The following KHDRBS2 variants were observed in gnomAD, a reference collection of about 807,000 sequenced individuals.
KHDRBS2 encodes the protein KH domain-containing, RNA-binding, signal transduction-associated protein 2.
Under a neutral mutation model 44.3 loss-of-function variants are expected in KHDRBS2, and 26 were observed. That is an observed-to-expected ratio of 0.59 (90% CI 0.43 to 0.81). KHDRBS2 has a LOEUF of 0.81. Among genes scored for constraint, KHDRBS2 ranks in the 40% least tolerant of loss-of-function variants. The pLI is 0.00. For missense variants in KHDRBS2, 476 were observed against 433.1 expected (o/e 1.10, Z -0.88); for synonymous variants, 194 against 151.1 (o/e 1.28, Z -2.08).
chr6:61,848,552 CATATATAT>C (rs1223042685), intron 6 of KHDRBS2, among the ~76,000 whole-genome samples: 532 of 37,212 alleles, frequency 0.014, 35 homozygotes, highest in African/African-American at 0.057. Flanking sequence ...TATATATATA[CATATATAT>C]ATGTATATAT....
In KHDRBS2 at chr6:61,926,132, AG is replaced by A. The variant is rs1274044758; in HGVS notation, c.484-24762del. ...TATAGAAGAAAGTCTGAGGGCATGGAGGAGCCATAGTAGAGAAAACGTAGGT... is the reference window on the plus strand; with the variant it reads ...TATAGAAGAAAGTCTGAGGGCATGGAGAGCCATAGTAGAGAAAACGTAGGT... On this transcript the variant is annotated intron_variant, in intron 4 of 8. Transcript: ENST00000281156. Among the ~76,000 whole-genome samples, 31 of 152,352 alleles carry A rather than the reference AG, an allele frequency of 2.0e-4. No homozygotes were observed. The Middle Eastern group carries it at 0.01, about 50-fold the overall frequency.
chr6:61,885,188 A>G (rs1473703067), intron 6 of KHDRBS2, among the ~76,000 whole-genome samples: 1 of 152,104 alleles, frequency 6.6e-6, no homozygotes, highest in East Asian at 1.9e-4. Flanking sequence ...TGATTTTGAT[A>G]ATATTTTCTA....
intron 8 of KHDRBS2, among the ~76,000 whole-genome samples, chr6:61,694,131 A>G (rs565776185): frequency 6.6e-6 from 1 of 152,256 alleles, no homozygotes; most frequent in African/African-American, 2.4e-5. Context: ...TTTTGCAAGT[A>G]AAAGTTTGAT....
intron 2 of KHDRBS2, among the ~76,000 whole-genome samples, chr6:62,077,297 A>C (rs1349373259): frequency 6.6e-6 from 1 of 151,998 alleles, no homozygotes; most frequent in Non-Finnish European, 1.5e-5. Context: ...GACCTACCAG[A>C]AGCAATTATG....
chr6:62,163,260 C>T (rs1818013430), intron 2 of KHDRBS2, among the ~76,000 whole-genome samples: 1 of 151,902 alleles, frequency 6.6e-6, no homozygotes, highest in Non-Finnish European at 1.5e-5. Context: ...ACTTTAATTC[C>T]CGTGATTTCT....
In KHDRBS2 at chr6:62,080,577, A is replaced by G. The variant is rs558981461; in HGVS notation, c.220-32583T>C. Among the ~76,000 whole-genome samples, 10 of 152,216 alleles carry G rather than the reference A, an allele frequency of 6.6e-5. No homozygotes were observed. The East Asian group carries it at 1.9e-3, about 29-fold the overall frequency. On this transcript the variant is annotated intron_variant, in intron 2 of 8. Transcript: ENST00000281156. ...GTGATAAAATCTGAGCAGTGATGTG[A>G]ATGTGGTTATATTTTGTGGCAACAT...
chr6:62,249,595 T>C (rs1471721642), intron 1 of KHDRBS2, among the ~76,000 whole-genome samples: 2 of 151,992 alleles, frequency 1.3e-5, no homozygotes, highest in Non-Finnish European at 2.9e-5. Context: ...TTAGGAAATA[T>C]ATAAAATACA....
the KHDRBS2 span, among the ~76,000 whole-genome samples, chr6:61,635,924 G>A: frequency 9.0e-4 from 137 of 152,030 alleles, no homozygotes; most frequent in African/African-American, 3.0e-3. Flanking sequence ...TCCCAAACAG[G>A]TCTAGCATCA....
chr6:61,912,391 A>G (rs1477739559), intron 4 of KHDRBS2, among the ~76,000 whole-genome samples: 1 of 152,158 alleles, frequency 6.6e-6, no homozygotes. Context: ...TTCTGCCTCA[A>G]TAGGAAACAT....
chr6:62,285,901 G>A lies in KHDRBS2; in HGVS notation c.48C>T (p.Ser16=), dbSNP rs369920574. The A allele has an allele frequency of 1.2e-6, 2 of 1,613,242 alleles. No homozygotes were observed. The highest frequency in any genetic ancestry group is 1.7e-6 in the Non-Finnish European group (2 of 1,179,666). ...ACGCATGCACAAAAGATGGATCCAG[G>A]CTATCTTTCTCTGCCATCAGCTCAG... The part of the protein sequence containing the change: ...YLPELMAEKD[S]LDPSFVHASR... Residue 16 remains serine, a synonymous_variant, in exon 1 of 9, where the codon AGC becomes AGT. Transcript: ENST00000281156.
chr6:62,117,343 C>G (rs1207866846), intron 2 of KHDRBS2, among the ~76,000 whole-genome samples: 1 of 152,078 alleles, frequency 6.6e-6, no homozygotes, highest in Non-Finnish European at 1.5e-5. Flanking sequence ...TTGCATTTCC[C>G]TTATGATTAA....
intron 2 of KHDRBS2, among the ~76,000 whole-genome samples, chr6:62,139,813 G>C (rs1812392448): frequency 6.6e-6 from 1 of 152,038 alleles, no homozygotes; most frequent in African/African-American, 2.4e-5. Flanking sequence ...TCACGTAAGG[G>C]CTGCTTTAGT....
intron 2 of KHDRBS2, among the ~76,000 whole-genome samples, chr6:62,175,077 C>A (rs1366305570): frequency 1.3e-5 from 2 of 151,450 alleles, no homozygotes; most frequent in Non-Finnish European, 3.0e-5. Context: ...TATAATAAGA[C>A]ATAGTTTGTT....
intron 4 of KHDRBS2, among the ~76,000 whole-genome samples, chr6:61,907,397 C>G (rs555500594): frequency 4.6e-5 from 7 of 152,168 alleles, no homozygotes; most frequent in Non-Finnish European, 8.8e-5. Flanking sequence ...TGTGCAGAAG[C>G]CTTTTAGCTT....
At chr6:62,034,693 G>GAA (rs1171214560) in intron 3 of KHDRBS2, among the ~76,000 whole-genome samples, 9,928 of 60,712 alleles carry the variant, frequency 0.16, 796 homozygotes, top group Non-Finnish European at 0.22. Context: ...ATTCTGAACA[G>GAA]AAAAAAAAAA....
chr6:61,719,982 T>C (rs1014607599), intron 7 of KHDRBS2, among the ~76,000 whole-genome samples: 1 of 151,974 alleles, frequency 6.6e-6, no homozygotes, highest in Non-Finnish European at 1.5e-5. Flanking sequence ...CCTGTGTCCA[T>C]GTGTTCTCAT....
At chr6:61,696,306 A>G (rs575325409) in intron 8 of KHDRBS2, among the ~76,000 whole-genome samples, 7 of 150,594 alleles carry the variant, frequency 4.6e-5, no homozygotes, top group Non-Finnish European at 1.0e-4. Flanking sequence ...GCCAGGCTGG[A>G]GTGCGGTGGC....
chr6:62,064,727 G>A (rs1227227407), intron 2 of KHDRBS2, among the ~76,000 whole-genome samples: 24 of 151,900 alleles, frequency 1.6e-4, no homozygotes, highest in East Asian at 7.8e-4. Context: ...ATGGGCAAGG[G>A]CTTCATGTCT....
chr6:62,192,471 G>A (rs1156828751), intron 1 of KHDRBS2, among the ~76,000 whole-genome samples: 1 of 152,050 alleles, frequency 6.6e-6, no homozygotes. Context: ...CTACTGTGAT[G>A]ATTATATAAA....
Sources: gnomAD v4.1 joint callset for allele counts (sites outside exome capture counted in the v4.1 genomes callset) on GRCh38, gnomAD v4.1.1 for gene constraint, MANE v1.5 for transcripts, NCBI Gene and HGNC (gene_info 2026-07-23, HGNC 2026-07-21) for gene names.